The following HK1 variants were observed in gnomAD, a reference collection of about 807,000 sequenced individuals.
HK1 encodes the protein hexokinase-1.
In HK1, 28 loss-of-function variants were observed where a neutral mutation model predicts 91.6. The observed-to-expected ratio is 0.31, with a 90% CI of 0.23 to 0.42. The LOEUF (loss-of-function observed/expected upper bound fraction) is 0.42. Ranked by LOEUF, HK1 falls within the 10% of genes least tolerant of loss-of-function variation. The pLI is 1.00. For synonymous variants in HK1, 430 were observed against 468.1 expected (o/e 0.92, Z 1.05); for missense variants, 770 against 1,219.8 (o/e 0.63, Z 5.49).
chr10:69,287,795 T>A (rs536342952), intron 2 of HK1, among the ~76,000 whole-genome samples: 2 of 152,096 alleles, frequency 1.3e-5, no homozygotes, highest in Non-Finnish European at 2.9e-5. Flanking sequence ...ATATAAATAA[T>A]GTGTACATTA....
intron 5 of HK1, among the ~76,000 whole-genome samples, chr10:69,309,495 TAAA>T (rs1177161842): frequency 2.2e-3 from 104 of 46,970 alleles, no homozygotes; most frequent in African/African-American, 0.012. Context: ...TTTGTCTCAT[TAAA>T]AAAAAAAAAA....
At chr10:69,353,171 A>T (rs970979806) in intron 2 of HK1, among the ~76,000 whole-genome samples, 4 of 152,208 alleles carry the variant, frequency 2.6e-5, no homozygotes, top group African/African-American at 9.6e-5. Flanking sequence ...CCATGTGATC[A>T]GAGGGTTGCT....
intron 3 of HK1, among the ~76,000 whole-genome samples, chr10:69,295,105 G>T (rs779055037): frequency 6.6e-6 from 1 of 151,132 alleles, no homozygotes; most frequent in African/African-American, 2.4e-5. Context: ...CTCATCTTTC[G>T]CAGACCCTGC....
intron 2 of HK1, among the ~76,000 whole-genome samples, chr10:69,284,864 T>G (rs1459174059): frequency 6.6e-6 from 1 of 152,124 alleles, no homozygotes; most frequent in Non-Finnish European, 1.5e-5. Context: ...TCACCCAGGC[T>G]GGAGTGCAGT....
chr10:69,302,437 C>T (rs58324046), intron 5 of HK1, among the ~76,000 whole-genome samples: 3 of 145,150 alleles, frequency 2.1e-5, no homozygotes, highest in African/African-American at 5.1e-5. Flanking sequence ...TGCAGTGGTG[C>T]GATCTCAGCT....
chr10:69,322,804 C>T (rs1448695547), intron 1 of HK1, among the ~76,000 whole-genome samples: 1 of 151,320 alleles, frequency 6.6e-6, no homozygotes, highest in Non-Finnish European at 1.5e-5. Context: ...GCCGGAGAAT[C>T]ACTTGAACCT....
chr10:69,344,119 C>G, intron 2 of HK1, 130 bp downstream of exon 2: 3 of 894,428 alleles, frequency 3.4e-6, no homozygotes, highest in Non-Finnish European at 5.4e-6. Flanking sequence ...TCCCATCCAT[C>G]CATCCATCCA....
chr10:69,325,794 C>T (rs189883513), intron 1 of HK1, among the ~76,000 whole-genome samples: 171 of 151,704 alleles, frequency 1.1e-3, no homozygotes, highest in Middle Eastern at 3.4e-3. Context: ...GCCTTGGCCT[C>T]CCGAAATGCT....
At chr10:69,295,533 T>C in intron 3 of HK1, 3 of 828,052 alleles carry the variant, frequency 3.6e-6, no homozygotes, top group South Asian at 2.8e-5. Flanking sequence ...ATTACTTTTG[T>C]TTTCTGAGCG....
At chr10:69,385,180 C>T (rs1033122089) in intron 12 of HK1, among the ~76,000 whole-genome samples, 6 of 152,216 alleles carry the variant, frequency 3.9e-5, no homozygotes, top group African/African-American at 9.6e-5. Context: ...TTCTGTGCCC[C>T]CTGTTCATTT....
chr10:69,314,042 C>T (rs1041207634), upstream of HK1, among the ~76,000 whole-genome samples: 1 of 152,178 alleles, frequency 6.6e-6, no homozygotes. Context: ...CCTCAGCAGC[C>T]TTCTCCCGCA....
At chr10:69,307,457 T>C (rs578248064) in intron 5 of HK1, among the ~76,000 whole-genome samples, 1 of 152,310 alleles carries the variant, frequency 6.6e-6, no homozygotes, top group African/African-American at 2.4e-5. Flanking sequence ...TGCAGGTTCT[T>C]GGACCCCTTC....
intron 9 of HK1, among the ~76,000 whole-genome samples, chr10:69,381,585 G>A (rs1324506051): frequency 8.1e-6 from 1 of 123,108 alleles, no homozygotes; most frequent in East Asian, 2.3e-4. Flanking sequence ...GTCTTGCCCT[G>A]TTGCCCAGGC....
intron 7 of HK1, among the ~76,000 whole-genome samples, chr10:69,374,701 CTAT>C (rs1838992834): frequency 6.6e-6 from 1 of 152,168 alleles, no homozygotes; most frequent in African/African-American, 2.4e-5. Flanking sequence ...CCGTGGGCCT[CTAT>C]CTGGAAAAGG....
intron 1 of HK1, among the ~76,000 whole-genome samples, chr10:69,323,993 C>G (rs1364777890): frequency 6.6e-6 from 1 of 152,116 alleles, no homozygotes; most frequent in African/African-American, 2.4e-5. Context: ...ACCTCTGCAT[C>G]CAGGAATCAG....
intron 2 of HK1, 89 bp from the exon 3 acceptor site, chr10:69,359,808 G>A: frequency 1.6e-6 from 2 of 1,284,554 alleles, no homozygotes; most frequent in Non-Finnish European, 2.3e-6. Context: ...GAGGCAGACA[G>A]GGCCTACGCC....
rs554160846 is a variant in HK1 at position 69,294,304 on chromosome 10, G to GT, written c.-114-1323dup. On this transcript the variant is annotated intron_variant, in intron 3 of 21. Coordinates refer to the HK1 transcript ENST00000360289. ...TATAGGGAGGAGAATTAGTGTGGCT[G>GT]TTTTTTGCAAACAATTTACCACACC... Among the ~76,000 whole-genome samples the GT allele has an allele frequency of 8.1e-4, 123 of 152,266 alleles. 1 individual carries two copies. The South Asian group carries it at 0.024, about 29-fold the overall frequency.
intron 14 of HK1, 31 bp downstream of exon 14, chr10:69,389,327 A>G: frequency 6.6e-7 from 1 of 1,507,790 alleles, no homozygotes; most frequent in East Asian, 2.3e-5. Context: ...CTTTCCCTGC[A>G]GAAGGGAAGG....
intron 1 of HK1, among the ~76,000 whole-genome samples, chr10:69,271,477 CTT>C (rs34031234): frequency 0.57 from 71,542 of 126,340 alleles, 18,697 homozygotes; most frequent in East Asian, 0.65. Flanking sequence ...ATTTTGAAGT[CTT>C]TTTTTTTTTT....
Sources: allele counts gnomAD v4.1 joint callset (sites outside exome capture counted in the v4.1 genomes callset), GRCh38; gene constraint gnomAD v4.1.1; transcripts MANE v1.5; gene names NCBI Gene and HGNC (gene_info 2026-07-23, HGNC 2026-07-21).